The following ZDHHC13 variants were observed in gnomAD, a reference collection of about 807,000 sequenced individuals.
The protein encoded by ZDHHC13 is palmitoyltransferase ZDHHC13.
Under a neutral mutation model 86.0 loss-of-function variants are expected in ZDHHC13, and 85 were observed. The observed-to-expected ratio is 0.99, with a 90% CI of 0.83 to 1.18. ZDHHC13 has a LOEUF of 1.18. Among genes scored for constraint, ZDHHC13 ranks in the 50% most tolerant of loss-of-function variants. The probability of loss-of-function intolerance (pLI) is 0.00; values close to 1 mark genes in which losing one functional copy is unlikely to be tolerated. For missense variants in ZDHHC13, 711 were observed against 730.2 expected (o/e 0.97, Z 0.30); for synonymous variants, 263 against 246.4 (o/e 1.07, Z -0.63).
At chr11:19,158,621 C>A (rs1849822815) in intron 9 of ZDHHC13, among the ~76,000 whole-genome samples, 3 of 152,044 alleles carry the variant, frequency 2.0e-5, no homozygotes, top group South Asian at 2.1e-4. Flanking sequence ...AAATATATAT[C>A]TCATTAGAAA....
At chr11:19,148,839 G>A (rs147284510) in intron 4 of ZDHHC13, 6 of 163,146 alleles carry the variant, frequency 3.7e-5, no homozygotes, top group South Asian at 3.8e-4. Context: ...GGTGGCATGC[G>A]CCTGTAGTCC....
At chr11:19,153,112 G>C (rs1478068991) in intron 8 of ZDHHC13, among the ~76,000 whole-genome samples, 7 of 152,050 alleles carry the variant, frequency 4.6e-5, no homozygotes, top group Admixed American at 1.3e-4. Flanking sequence ...GAATCATAAG[G>C]ACTTTAAAAA....
chr11:19,158,580 T>C (rs1227267465), intron 9 of ZDHHC13, among the ~76,000 whole-genome samples: 1 of 152,202 alleles, frequency 6.6e-6, no homozygotes, highest in Non-Finnish European at 1.5e-5. Context: ...CATTATAGTG[T>C]ATTTAAAAAT....
intron 1 of ZDHHC13, among the ~76,000 whole-genome samples, chr11:19,123,562 CACTTG>C (rs529546955): frequency 2.0e-5 from 3 of 152,062 alleles, no homozygotes; most frequent in Non-Finnish European, 4.4e-5. Context: ...GTGGTAGAAT[CACTTG>C]AGCCCAGCAG....
chr11:19,169,816 T>G, intron 14 of ZDHHC13: 1 of 985,610 alleles, frequency 1.0e-6, no homozygotes, highest in Non-Finnish European at 1.2e-6. Flanking sequence ...CATCTGAATC[T>G]TGCTCTATAT....
chr11:19,135,867 CTGTT>C (rs938999349), intron 1 of ZDHHC13, among the ~76,000 whole-genome samples: 38 of 152,216 alleles, frequency 2.5e-4, no homozygotes, highest in African/African-American at 8.2e-4. Context: ...AGGGTCCTGT[CTGTT>C]AGAAGGAAAA....
rs1850066770 is a variant in ZDHHC13 at position 19,166,317 on chromosome 11, A to G, written c.1406A>G (p.His469Arg). The change falls in exon 14 of 17, where the codon CAC becomes CGC. Residue 469 changes from histidine (H) to arginine (R), a missense_variant. By Grantham distance (29) the His-to-Arg change is conservative. Transcript: ENST00000446113. ...TGRCIGFGNH[H>R]YYIFFLFFLS... is the part of the protein sequence containing the mutation. The stretch of plus-strand genomic sequence containing the variant: ...TTTTCTTGAGGTTTTGGCAACCATC[A>G]CTATTACATATTCTTCTTGTTTTTC... 7 of 1,610,148 alleles carry G rather than the reference A, an allele frequency of 4.3e-6. No individual in the cohort carries two copies. Among genetic ancestry groups the G allele is most frequent in the Non-Finnish European group, 5.1e-6 (6 of 1,179,076 alleles).
At position 19,125,386 on chromosome 11, in the gene ZDHHC13, C is replaced by T. The variant is rs1003685038; in HGVS notation, c.27+8110C>T. The stretch of plus-strand genomic sequence containing the variant: ...AAGCATGTGAAAAGATGCTCAACTT[C>T]ATTAGCCGTTAAGGATATGCAAATT... On this transcript the variant is annotated intron_variant, in intron 1 of 16. Coordinates refer to ENST00000446113, the MANE Select transcript of ZDHHC13 (RefSeq NM_019028.3). 3.3e-5 allele frequency among the ~76,000 whole-genome samples: 5 copies of T among 152,306 alleles called. No individual in the cohort carries two copies. The East Asian group carries it at 9.6e-4, about 29-fold the overall frequency.
intron 15 of ZDHHC13, 129 bp from the exon 16 acceptor site, chr11:19,172,594 T>C (rs7111850): frequency 0.99 from 569,701 of 576,310 alleles, 281,898 homozygotes; most frequent in East Asian, 1. Flanking sequence ...TTTTTCTTTG[T>C]CCCTTTTCAA....
rs533819459 is a variant in ZDHHC13 at position 19,126,430 on chromosome 11, A to G, written c.27+9154A>G. Among the ~76,000 whole-genome samples, 19 of 144,358 alleles carry G rather than the reference A, an allele frequency of 1.3e-4. No individual in the cohort carries two copies. In the East Asian group the frequency reaches 3.6e-3, roughly 27 times the overall value. 94.7% of individuals were successfully genotyped at this position (144,358 alleles called of 152,430 possible). A position where few individuals can be genotyped will look rare whatever the true frequency, so the allele number is the denominator to read the frequency against. ...CGGCTCACTGCAACCTCTGCCTCCC[A>G]GGTTCAAGTGATTCTCCTGCCTCAG... On this transcript the variant is annotated intron_variant, in intron 1 of 16. Coordinates refer to ENST00000446113, the MANE Select transcript of ZDHHC13 (RefSeq NM_019028.3).
At chr11:19,146,836 A>G (rs3758875) in intron 3 of ZDHHC13, among the ~76,000 whole-genome samples, 117,920 of 152,064 alleles carry the variant, frequency 0.78, 46,724 homozygotes, top group Admixed American at 0.86. Flanking sequence ...GTGAATGTGT[A>G]TATATTTTGT....
At chr11:19,121,822 C>G (rs917405542) in intron 1 of ZDHHC13, among the ~76,000 whole-genome samples, 1 of 152,136 alleles carries the variant, frequency 6.6e-6, no homozygotes, top group Non-Finnish European at 1.5e-5. Context: ...ATTGATATGT[C>G]CCTTTCACTT....
At chr11:19,164,105 A>C (rs1310955492) in intron 11 of ZDHHC13, among the ~76,000 whole-genome samples, 196 bp from the exon 12 acceptor site, 1 of 152,160 alleles carries the variant, frequency 6.6e-6, no homozygotes, top group African/African-American at 2.4e-5. Context: ...ATGCATCCTA[A>C]TTTATTAGCT....
chr11:19,136,489 A>G (rs1219504521), intron 1 of ZDHHC13, among the ~76,000 whole-genome samples: 1 of 152,262 alleles, frequency 6.6e-6, no homozygotes, highest in Non-Finnish European at 1.5e-5. Flanking sequence ...ACCAAGTTGG[A>G]AAACACTCTG....
chr11:19,167,545 C>CT (rs1407952717), intron 14 of ZDHHC13: 1 of 152,094 alleles, frequency 6.6e-6, no homozygotes, highest in African/African-American at 2.4e-5. Flanking sequence ...TAACTAGTAT[C>CT]TATGTGTAAT....
chr11:19,171,242 C>T (rs898976116), intron 15 of ZDHHC13, among the ~76,000 whole-genome samples: 5 of 152,172 alleles, frequency 3.3e-5, no homozygotes, highest in Non-Finnish European at 7.3e-5. Flanking sequence ...AGTCCCTTCC[C>T]TGCTGGCTTC....
At chr11:19,172,103 C>T (rs138870544) in intron 15 of ZDHHC13, among the ~76,000 whole-genome samples, 321 of 152,300 alleles carry the variant, frequency 2.1e-3, no homozygotes, top group African/African-American at 7.2e-3. Flanking sequence ...GACAGAGTTT[C>T]GCTCTTTCAC....
intron 1 of ZDHHC13, among the ~76,000 whole-genome samples, chr11:19,120,979 T>C (rs1373499223): frequency 6.6e-6 from 1 of 152,182 alleles, no homozygotes; most frequent in Non-Finnish European, 1.5e-5. Context: ...AGTGAACATC[T>C]TGAAATTAGT....
At chr11:19,153,807 C>T (rs1022669568) in intron 8 of ZDHHC13, among the ~76,000 whole-genome samples, 2 of 152,082 alleles carry the variant, frequency 1.3e-5, no homozygotes, top group Non-Finnish European at 2.9e-5. Context: ...CTGACTAAGC[C>T]AAGCCTTCCC....
Sources: gnomAD v4.1 joint callset for allele counts (sites outside exome capture counted in the v4.1 genomes callset) on GRCh38, gnomAD v4.1.1 for gene constraint, MANE v1.5 for transcripts, NCBI Gene and HGNC (gene_info 2026-07-23, HGNC 2026-07-21) for gene names.